The following SLC36A1 variants were observed in gnomAD, a reference collection of about 807,000 sequenced individuals.
SLC36A1 encodes solute carrier family 36 member 1, also known as proton-coupled amino acid transporter 1.
SLC36A1 carries 30 observed loss-of-function variants against 47.5 expected under a neutral mutation model. That is an observed-to-expected ratio of 0.63 (90% CI 0.47 to 0.86). The LOEUF is 0.86. SLC36A1 is among the 40% of genes least tolerant of loss of function. The probability of loss-of-function intolerance (pLI) is 0.00; values close to 1 mark genes in which losing one functional copy is unlikely to be tolerated. For missense variants in SLC36A1, 517 were observed against 606.0 expected (o/e 0.85, Z 1.54); for synonymous variants, 255 against 249.7 (o/e 1.02, Z -0.20).
chr5:151,495,021 T>C (rs1396780396), downstream of SLC36A1, among the ~76,000 whole-genome samples: 7 of 152,184 alleles, frequency 4.6e-5, no homozygotes, highest in Admixed American at 1.3e-4. Context: ...TACCTAGAGG[T>C]GAAATGATGA....
At chr5:151,548,978 T>C in the SLC36A1 span, among the ~76,000 whole-genome samples, 4 of 152,228 alleles carry the variant, frequency 2.6e-5, no homozygotes, top group African/African-American at 4.8e-5. Context: ...GATACATGCA[T>C]GAAGTTATTA....
the SLC36A1 span, among the ~76,000 whole-genome samples, chr5:151,518,855 C>T: frequency 6.6e-6 from 1 of 152,154 alleles, no homozygotes; most frequent in African/African-American, 2.4e-5. Flanking sequence ...AAAAAATATC[C>T]ACCCTCCCCA....
At chr5:151,509,560 G>A in the SLC36A1 span, 1 of 159,554 alleles carries the variant, frequency 6.3e-6, no homozygotes, top group Non-Finnish European at 1.4e-5. Context: ...TGTGAACTGT[G>A]CATGTAAGGG....
the SLC36A1 span, among the ~76,000 whole-genome samples, chr5:151,394,363 T>G: frequency 6.6e-6 from 1 of 152,244 alleles, no homozygotes; most frequent in Non-Finnish European, 1.5e-5. Flanking sequence ...CCCCTTTAGC[T>G]CGGAGAAGTT....
At chr5:151,506,653 C>T in the SLC36A1 span, among the ~76,000 whole-genome samples, 1 of 152,310 alleles carries the variant, frequency 6.6e-6, no homozygotes, top group South Asian at 2.1e-4. Context: ...AGTGAAAATA[C>T]CTATCATAAC....
At chr5:151,519,768 A>G in the SLC36A1 span, among the ~76,000 whole-genome samples, 1 of 152,106 alleles carries the variant, frequency 6.6e-6, no homozygotes, top group Non-Finnish European at 1.5e-5. Flanking sequence ...AAAAAATAAA[A>G]AACCTCTTTT....
downstream of SLC36A1, among the ~76,000 whole-genome samples, chr5:151,494,058 A>G (rs1192338860): frequency 6.6e-6 from 1 of 152,056 alleles, no homozygotes; most frequent in Non-Finnish European, 1.5e-5. Flanking sequence ...TCACATTTAT[A>G]CCTAATGGCT....
the SLC36A1 span, among the ~76,000 whole-genome samples, chr5:151,418,059 C>T: frequency 2.0e-5 from 3 of 152,336 alleles, no homozygotes; most frequent in Admixed American, 6.5e-5. Context: ...GCATGGACAG[C>T]TTAAATGTGG....
the SLC36A1 span, chr5:151,550,493 A>G: frequency 1.5e-6 from 2 of 1,377,166 alleles, no homozygotes; most frequent in East Asian, 4.6e-5. Context: ...CATGGTCCTT[A>G]TGAGGGGAAG....
chr5:151,539,045 G>A, the SLC36A1 span, among the ~76,000 whole-genome samples: 2 of 152,022 alleles, frequency 1.3e-5, no homozygotes, highest in South Asian at 4.2e-4. Context: ...CCATCTCCGG[G>A]AGGGCCAGGG....
At chr5:151,391,327 C>T in the SLC36A1 span, among the ~76,000 whole-genome samples, 75,348 of 151,772 alleles carry the variant, frequency 0.5, 20,691 homozygotes, top group African/African-American at 0.75. Flanking sequence ...TTTCTAAATA[C>T]ACAATCATGT....
At chr5:151,545,836 A>G in the SLC36A1 span, 2 of 1,614,252 alleles carry the variant, frequency 1.2e-6, no homozygotes, top group Admixed American at 3.3e-5. Flanking sequence ...AATTTGGCCC[A>G]CAAAAGTTGA....
At chr5:151,545,947 TGGTAA>T in the SLC36A1 span, 1 of 1,614,158 alleles carries the variant, frequency 6.2e-7, no homozygotes, top group Non-Finnish European at 8.5e-7. Flanking sequence ...GATTTTCAGC[TGGTAA>T]GACGAGATTT....
At chr5:151,453,380 A>T (rs1019541628) in intron 1 of SLC36A1, among the ~76,000 whole-genome samples, 13 of 151,898 alleles carry the variant, frequency 8.6e-5, no homozygotes, top group Non-Finnish European at 1.8e-4. Flanking sequence ...AATTCATGGG[A>T]TATTTCACAA....
the SLC36A1 span, chr5:151,522,270 A>C: frequency 1.8e-6 from 1 of 555,038 alleles, no homozygotes; most frequent in East Asian, 2.8e-5. Context: ...GAAAAGAAAG[A>C]TTTTCTGAAG....
the SLC36A1 span, among the ~76,000 whole-genome samples, chr5:151,407,613 G>C: frequency 6.6e-6 from 1 of 151,356 alleles, no homozygotes; most frequent in Non-Finnish European, 1.5e-5. Flanking sequence ...GTCCCCACCC[G>C]ACCCAGAAGC....
intron 1 of SLC36A1, among the ~76,000 whole-genome samples, chr5:151,458,301 C>CTT (rs1554109967): frequency 0.16 from 16,935 of 104,564 alleles, 1,474 homozygotes; most frequent in East Asian, 0.46. Flanking sequence ...TATACATACA[C>CTT]GTGTATATAC....
the SLC36A1 span, among the ~76,000 whole-genome samples, chr5:151,404,105 G>A: frequency 6.6e-6 from 1 of 152,198 alleles, no homozygotes; most frequent in African/African-American, 2.4e-5. Context: ...CCAATATTGG[G>A]TGTGAATGTA....
At chr5:151,411,304 A>G in the SLC36A1 span, among the ~76,000 whole-genome samples, 1 of 144,640 alleles carries the variant, frequency 6.9e-6, no homozygotes, top group African/African-American at 2.5e-5. Context: ...TACCTACGGG[A>G]TGATCTGCTC....
Sources: allele counts gnomAD v4.1 joint callset (sites outside exome capture counted in the v4.1 genomes callset), GRCh38; gene constraint gnomAD v4.1.1; transcripts MANE v1.5; gene names NCBI Gene and HGNC (gene_info 2026-07-23, HGNC 2026-07-21).